The following NTN1 variants were observed in gnomAD, a reference collection of about 807,000 sequenced individuals.
The protein encoded by NTN1 is netrin-1.
NTN1 carries 11 observed loss-of-function variants against 54.2 expected under a neutral mutation model. The ratio of observed to expected loss-of-function variants is 0.20; its 90% CI spans 0.13 to 0.34. NTN1 has a LOEUF of 0.34. Among genes scored for constraint, NTN1 ranks in the 10% least tolerant of loss-of-function variants. The pLI, the probability that NTN1 is intolerant of heterozygous loss-of-function variation, is 1.00. For missense variants in NTN1, 740 were observed against 893.1 expected, an observed-to-expected ratio of 0.83 and a Z score of 2.18; for synonymous variants, 371 against 382.0, an observed-to-expected ratio of 0.97 and a Z score of 0.33.
chr17:9,202,029 T>TACACACACACACACACACACAC lies in NTN1; in HGVS notation c.1411+19066_1411+19087dup, dbSNP rs1200661283. On this transcript the variant is annotated intron_variant, in intron 5 of 6. Coordinates refer to ENST00000173229, the MANE Select transcript of NTN1 (RefSeq NM_004822.3). Reference sequence around the variant, plus strand: ...GGTGAAACCCCGTCTCTACTAAAAATACACACACACACACACACACACACA... The same window carrying TACACACACACACACACACACAC: ...GGTGAAACCCCGTCTCTACTAAAAATACACACACACACACACACACACACACACACACACACACACACACACA... Among the ~76,000 whole-genome samples, 60 of 26,848 alleles carry TACACACACACACACACACACAC rather than the reference T, an allele frequency of 2.2e-3. 2 individuals carry two copies. Among genetic ancestry groups the TACACACACACACACACACACAC allele is most frequent in the African/African-American group, 4.5e-3 (27 of 5,950 alleles). The allele number at this position is 26,848 out of a possible 152,430, so 17.6% of individuals were successfully genotyped here. A position where few individuals can be genotyped will look rare whatever the true frequency, so the allele number is the denominator to read the frequency against.
chr17:9,204,227 T>TTCTCTTCTCTTCCTCTGTTTCTC (rs1904899240), intron 5 of NTN1, among the ~76,000 whole-genome samples: 1 of 114,518 alleles, frequency 8.7e-6, no homozygotes, highest in East Asian at 2.5e-4. Context: ...TTCCTTTTCT[T>TTCTCTTCTCTTCCTCTGTTTCTC]TCTCTTCTCT....
intron 2 of NTN1, among the ~76,000 whole-genome samples, chr17:9,097,073 C>T (rs1052874005): frequency 6.6e-6 from 1 of 152,186 alleles, no homozygotes; most frequent in African/African-American, 2.4e-5. Context: ...TCTTCTCTTG[C>T]TCCCAAGCTG....
intron 2 of NTN1, among the ~76,000 whole-genome samples, chr17:9,034,457 C>T (rs1373363289): frequency 4.2e-5 from 6 of 142,378 alleles, no homozygotes; most frequent in African/African-American, 1.6e-4. Context: ...GAGTCTTGCT[C>T]TGTCACCCAG....
intron 2 of NTN1, among the ~76,000 whole-genome samples, chr17:9,122,986 A>C (rs1420758120): frequency 1.3e-5 from 2 of 152,068 alleles, no homozygotes; most frequent in African/African-American, 4.8e-5. Context: ...TTCCACTCTA[A>C]GCTTTGTTGG....
chr17:9,212,392 C>T lies in NTN1; in HGVS notation c.1412-8776C>T, dbSNP rs992701214. Among the ~76,000 whole-genome samples the T allele has an allele frequency of 1.3e-5, 2 of 152,198 alleles. No homozygotes were observed. The highest frequency in any genetic ancestry group is 4.8e-5 in the African/African-American group (2 of 41,446). On this transcript the variant is annotated intron_variant, in intron 5 of 6. Transcript: ENST00000173229. The surrounding 1 kb of genome is among the most constrained non-coding windows in gnomAD (Gnocchi z 5.5). ...TGAAACCCACGGATGCCTGCGGCACCTTGAAAACCGAACACATGGAAATCT... is the reference window on the plus strand; with the variant it reads ...TGAAACCCACGGATGCCTGCGGCACTTTGAAAACCGAACACATGGAAATCT...
chr17:9,193,062 AGAGT>A (rs1904506571), intron 5 of NTN1, among the ~76,000 whole-genome samples: 1 of 143,670 alleles, frequency 7.0e-6, no homozygotes, highest in Non-Finnish European at 1.5e-5. Context: ...CCTGGGCGAC[AGAGT>A]GAGACTCTGT....
intron 2 of NTN1, among the ~76,000 whole-genome samples, chr17:9,050,873 G>A (rs76545899): frequency 0.01 from 1,523 of 152,182 alleles, 26 homozygotes; most frequent in African/African-American, 0.032. Flanking sequence ...AGGAAATGCT[G>A]GCCCTCCCCT....
chr17:9,110,790 C>G (rs972173382), intron 2 of NTN1, among the ~76,000 whole-genome samples: 2 of 152,158 alleles, frequency 1.3e-5, no homozygotes, highest in Admixed American at 1.3e-4. Flanking sequence ...CTGCTGGCAA[C>G]CCGTAGCATT....
chr17:9,208,299 T>G (rs1428452625), intron 5 of NTN1, among the ~76,000 whole-genome samples: 1 of 152,180 alleles, frequency 6.6e-6, no homozygotes, highest in African/African-American at 2.4e-5. Context: ...TCAGAATAAT[T>G]GCAAAGGGTG....
At chr17:9,222,121 C>G (rs1905380287) in intron 6 of NTN1, among the ~76,000 whole-genome samples, 1 of 152,236 alleles carries the variant, frequency 6.6e-6, no homozygotes. Flanking sequence ...TGAATCCAGG[C>G]CTGGTTCTTT....
chr17:9,135,600 G>A lies in NTN1; in HGVS notation c.1019-27213G>A, dbSNP rs749968262. Among the ~76,000 whole-genome samples, 4 of 152,176 alleles carry A rather than the reference G, an allele frequency of 2.6e-5. No individual in the cohort carries two copies. Among genetic ancestry groups the A allele is most frequent in the Admixed American group, 1.3e-4 (2 of 15,278 alleles). ...CATTGGCTTCCCCTTGAATTGTCAC[G>A]ATGGCCCAGCACTGTTGGGTTCAGC... On this transcript the variant is annotated intron_variant, in intron 2 of 6. Coordinates refer to ENST00000173229, the MANE Select transcript of NTN1 (RefSeq NM_004822.3). This position sits in a 1 kb window ranked among gnomAD's most constrained non-coding sequence, Gnocchi z 4.4.
chr17:9,004,245 G>A, the NTN1 span, among the ~76,000 whole-genome samples: 1 of 152,232 alleles, frequency 6.6e-6, no homozygotes, highest in African/African-American at 2.4e-5. Flanking sequence ...GAGGCGACAC[G>A]GCAAGCTTCT....
intron 2 of NTN1, among the ~76,000 whole-genome samples, chr17:9,136,217 G>A (rs910899958): frequency 6.6e-6 from 1 of 152,204 alleles, no homozygotes; most frequent in Admixed American, 6.5e-5. Context: ...CAAACCAAAC[G>A]GAGCCTAGCT....
At chr17:9,181,405 G>A (rs2092418735) in intron 4 of NTN1, among the ~76,000 whole-genome samples, 1 of 152,156 alleles carries the variant, frequency 6.6e-6, no homozygotes, top group Non-Finnish European at 1.5e-5. Context: ...TGTGGCCATT[G>A]GCTTCGGCTC....
intron 2 of NTN1, among the ~76,000 whole-genome samples, chr17:9,121,439 G>A (rs1306543200): frequency 1.3e-5 from 2 of 151,966 alleles, no homozygotes; most frequent in African/African-American, 2.4e-5. Flanking sequence ...TGCCCAATGC[G>A]TGCTTCCCCG....
upstream of NTN1, among the ~76,000 whole-genome samples, chr17:9,018,464 T>C (rs1377820793): frequency 6.6e-6 from 1 of 151,874 alleles, no homozygotes; most frequent in Non-Finnish European, 1.5e-5. Flanking sequence ...AAACCCCGTC[T>C]CTACTAAAAA....
chr17:9,067,830 A>G (rs2092020045), intron 2 of NTN1, among the ~76,000 whole-genome samples: 1 of 152,168 alleles, frequency 6.6e-6, no homozygotes, highest in East Asian at 1.9e-4. Context: ...AGCTAGGTCC[A>G]TCCCTCGGCA....
rs371692614 is a variant in NTN1 at position 9,221,282 on chromosome 17, G to A, written c.1486+40G>A. 13 of 1,527,376 alleles carry A rather than the reference G, an allele frequency of 8.5e-6. No homozygotes were observed. The highest frequency in any genetic ancestry group is 1.7e-5 in the Admixed American group (1 of 59,876). 94.6% of individuals were successfully genotyped at this position (1,527,376 alleles called of 1,614,324 possible). A position where few individuals can be genotyped will look rare whatever the true frequency, so the allele number is the denominator to read the frequency against. On this transcript the variant is annotated intron_variant, in intron 6 of 6. Transcript: ENST00000173229. This position sits in a 1 kb window ranked among gnomAD's most constrained non-coding sequence, Gnocchi z 4.5. ...CCTTGTCTGGGGAGGATGGGAGGGG[G>A]CCACGTGACCAGCGAGGTGCTGGGG...
intron 2 of NTN1, among the ~76,000 whole-genome samples, chr17:9,035,368 G>GTA (rs1214897490): frequency 7.2e-5 from 11 of 152,330 alleles, no homozygotes; most frequent in Admixed American, 5.2e-4. Context: ...TTGCTGGCCA[G>GTA]TATTGTGTGA....
Sources: gnomAD v4.1 joint callset for allele counts (sites outside exome capture counted in the v4.1 genomes callset) on GRCh38, gnomAD v4.1.1 for gene constraint, Gnocchi (gnomAD v3.1) non-coding constraint, MANE v1.5 for transcripts, NCBI Gene and HGNC (gene_info 2026-07-23, HGNC 2026-07-21) for gene names.